The following EIF2AK3 variants were observed in gnomAD, a reference collection of about 807,000 sequenced individuals.
The protein encoded by EIF2AK3 is eukaryotic translation initiation factor 2 alpha kinase 3, also known as eukaryotic translation initiation factor 2-alpha kinase 3.
In EIF2AK3, 50 loss-of-function variants were observed where a neutral mutation model predicts 113.5. The ratio of observed to expected loss-of-function variants is 0.44; its 90% CI spans 0.35 to 0.56. The LOEUF (loss-of-function observed/expected upper bound fraction) is 0.56, where lower values mean the gene tolerates loss of function less well. Among genes scored for constraint, EIF2AK3 ranks in the 20% least tolerant of loss-of-function variants. The probability of loss-of-function intolerance (pLI) is 0.00; values close to 1 mark genes in which losing one functional copy is unlikely to be tolerated. For missense variants in EIF2AK3, 1,185 were observed against 1,378.0 expected (o/e 0.86, Z 2.22); for synonymous variants, 448 against 495.4 (o/e 0.90, Z 1.27).
chr2:88,574,472 T>A, intron 13 of EIF2AK3, 194 bp downstream of exon 13: 1 of 635,758 alleles, frequency 1.6e-6, no homozygotes, highest in Non-Finnish European at 2.7e-6. Context: ...GAATGCATGG[T>A]TTGCCTAAAG....
chr2:88,575,371 A>G lies in EIF2AK3; in HGVS notation c.2112T>C (p.Ala704=). The change falls in exon 13 of 17, where the codon GCT becomes GCC. Residue 704 remains alanine, a synonymous_variant. Transcript: ENST00000303236. ...SVKIRRMDPF[A]TKEHIEIIAP... ...CTATGATTTCAATATGTTCTTTTGT[A>G]GCGAAAGGATCCATTCTGCGTATTT... 6.2e-7 allele frequency: 1 copy of G among 1,614,072 alleles called. No homozygotes were observed. Among genetic ancestry groups the G allele is most frequent in the South Asian group, 1.1e-5 (1 of 91,090 alleles).
chr2:88,588,739 G>A (rs1553409650), intron 7 of EIF2AK3, 22 bp downstream of exon 7: 1 of 1,613,274 alleles, frequency 6.2e-7, no homozygotes, highest in Non-Finnish European at 8.5e-7. Flanking sequence ...ACAGTATTTA[G>A]AAAAGTTTAC....
intron 15 of EIF2AK3, 101 bp from the exon 16 acceptor site, chr2:88,559,080 T>A: frequency 1.3e-6 from 1 of 761,856 alleles, no homozygotes; most frequent in Non-Finnish European, 2.1e-6. Context: ...TGTACATCTA[T>A]CAAATGGAAA....
At chr2:88,563,106 AC>A (rs11330283) in intron 14 of EIF2AK3, among the ~76,000 whole-genome samples, 21,318 of 152,226 alleles carry the variant, frequency 0.14, 2,478 homozygotes, top group African/African-American at 0.32. Context: ...ACTCAGAAGA[AC>A]CCCTTTATTT....
At chr2:88,603,396 C>G (rs1335625989) in intron 2 of EIF2AK3, among the ~76,000 whole-genome samples, 6 of 152,218 alleles carry the variant, frequency 3.9e-5, no homozygotes, top group African/African-American at 1.2e-4. Context: ...CCACTGCTTT[C>G]CAAGTTCCCC....
chr2:88,570,761 A>G (rs1430690117), intron 14 of EIF2AK3, 113 bp downstream of exon 14: 2 of 1,391,468 alleles, frequency 1.4e-6, no homozygotes, highest in African/African-American at 2.8e-5. Context: ...CAGTTTTCAT[A>G]ATTTTCAGAC....
intron 11 of EIF2AK3, among the ~76,000 whole-genome samples, chr2:88,577,391 C>G (rs1368686044): frequency 6.6e-6 from 1 of 151,546 alleles, no homozygotes; most frequent in Non-Finnish European, 1.5e-5. Flanking sequence ...ACAAGCGCAT[C>G]TACTGCACGT....
Position 88,595,680 on chromosome 2 carries a change from C to CT in EIF2AK3, c.439-18dup, listed in dbSNP as rs774326336. 95 of 1,611,152 alleles carry CT rather than the reference C, an allele frequency of 5.9e-5. No homozygotes were observed. Among genetic ancestry groups the CT allele is most frequent in the Non-Finnish European group, 7.9e-5 (93 of 1,177,614 alleles). On this transcript the variant is annotated splice_polypyrimidine_tract_variant and intron_variant, in intron 2 of 16. Transcript: ENST00000303236. The stretch of plus-strand genomic sequence containing the variant: ...CCCAAATACCTAAAACAGAAGCTAA[C>CT]TTTTTAAAAGGGCCATAACATTAAT...
At chr2:88,574,378 T>G (rs1674394968) in intron 13 of EIF2AK3, 1 of 451,564 alleles carries the variant, frequency 2.2e-6, no homozygotes, top group East Asian at 4.1e-5. Context: ...ACCTAAAGAT[T>G]CTTTTTTCTT....
chr2:88,627,670 T>G, upstream of EIF2AK3: 4 of 182,290 alleles, frequency 2.2e-5, no homozygotes, highest in Non-Finnish European at 2.3e-5. Context: ...AGAAATGCCC[T>G]TCCCCGACGT....
At chr2:88,595,362 G>C in intron 3 of EIF2AK3, 107 bp downstream of exon 3, 1 of 1,145,210 alleles carries the variant, frequency 8.7e-7, no homozygotes, top group East Asian at 2.6e-5. Flanking sequence ...AACCTCAGGG[G>C]AAAATTACAA....
At chr2:88,600,051 A>G (rs544924491) in intron 2 of EIF2AK3, among the ~76,000 whole-genome samples, 1 of 152,370 alleles carries the variant, frequency 6.6e-6, no homozygotes, top group Non-Finnish European at 1.5e-5. Context: ...ACACAAAACA[A>G]CAACAAGGCA....
rs1232776381 is a variant in EIF2AK3 at position 88,627,241 on chromosome 2, G to C, written c.34C>G (p.Arg12Gly). ...AGCAGCAGCAGCAGCAGCAGCGCCCGTACCAGCAGCCCCGGGCTGATGGCG... is the reference window on the plus strand; with the variant it reads ...AGCAGCAGCAGCAGCAGCAGCGCCCCTACCAGCAGCCCCGGGCTGATGGCG... Reference protein sequence around the residue: ...ERAISPGLLVRALLLLLLLLG... With the variant: ...ERAISPGLLVGALLLLLLLLG... Residue 12 changes from arginine to glycine, a missense_variant, in exon 1 of 17, where the codon CGG (arginine) becomes GGG (glycine). Coordinates refer to ENST00000303236, the MANE Select transcript of EIF2AK3 (RefSeq NM_004836.7). The C allele has an allele frequency of 2.0e-6, 3 of 1,481,906 alleles. No homozygotes were observed. Among genetic ancestry groups the C allele is most frequent in the Admixed American group, 4.5e-5 (2 of 44,228 alleles). 91.8% of individuals were successfully genotyped at this position (1,481,906 alleles called of 1,614,324 possible).
At chr2:88,600,591 T>C (rs891348722) in intron 2 of EIF2AK3, among the ~76,000 whole-genome samples, 3 of 152,228 alleles carry the variant, frequency 2.0e-5, no homozygotes, top group Admixed American at 1.3e-4. Context: ...TCCCAGAGTC[T>C]ATCTGTGTAA....
chr2:88,602,109 T>G (rs990778078), intron 2 of EIF2AK3, among the ~76,000 whole-genome samples: 1 of 152,186 alleles, frequency 6.6e-6, no homozygotes, highest in Non-Finnish European at 1.5e-5. Flanking sequence ...CCTCAGCCTT[T>G]CAAAGTGCTG....
In EIF2AK3 at chr2:88,588,812, T is replaced by C; in HGVS notation, c.1255A>G (p.Asn419Asp). Residue 419 changes from asparagine (N) to aspartate (D), a missense_variant, in exon 7 of 17, where the codon AAT (asparagine) becomes GAT (aspartate). This residue lies in a region of EIF2AK3 where 877 missense variants were observed against 1,024.2 expected (regional missense o/e 0.86). Coordinates refer to ENST00000303236, the MANE Select transcript of EIF2AK3 (RefSeq NM_004836.7). ...SSPKALESVT[N>D]ENAIIPLPTI... is the part of the protein sequence containing the mutation. Reference sequence around the variant, plus strand: ...GGTAAAGGAATAATTGCGTTTTCATTAGTGACAGATTCCAAAGCCTTGGGA... The same window carrying C: ...GGTAAAGGAATAATTGCGTTTTCATCAGTGACAGATTCCAAAGCCTTGGGA... 6.2e-7 allele frequency: 1 copy of C among 1,613,822 alleles called. No individual in the cohort carries two copies. Among genetic ancestry groups the C allele is most frequent in the Non-Finnish European group, 8.5e-7 (1 of 1,179,846 alleles).
chr2:88,597,883 T>G (rs2104448850), intron 2 of EIF2AK3, among the ~76,000 whole-genome samples: 1 of 152,274 alleles, frequency 6.6e-6, no homozygotes, highest in African/African-American at 2.4e-5. Flanking sequence ...ATATTTATGT[T>G]TATACAGTGG....
chr2:88,593,779 A>G lies in EIF2AK3; in HGVS notation c.634-374T>C, dbSNP rs1482419035. 13 of 456,776 alleles carry G rather than the reference A, an allele frequency of 2.8e-5. No individual in the cohort carries two copies. In the Admixed American group the frequency reaches 2.9e-4, roughly 10 times the overall value. The allele number at this position is 456,776 out of a possible 1,614,324, so 28.3% of individuals were successfully genotyped here. On this transcript the variant is annotated intron_variant, in intron 3 of 16. Coordinates refer to ENST00000303236, the MANE Select transcript of EIF2AK3 (RefSeq NM_004836.7). ...TCAACCTTAGAGTTTCTGTATAACAAAAGTGTTTGGTTTTTAAAAATTTGA... is the reference window on the plus strand; with the variant it reads ...TCAACCTTAGAGTTTCTGTATAACAGAAGTGTTTGGTTTTTAAAAATTTGA...
In EIF2AK3 at chr2:88,618,309, T is replaced by C. The variant is rs552831238; in HGVS notation, c.309-4456A>G. ...TATTTTGAGGGTTCCAAGATCAAGA[T>C]GAAAAACTCTTAACTTATTCAAGAA... On this transcript the variant is annotated intron_variant, in intron 1 of 16. Transcript: ENST00000303236. Among the ~76,000 whole-genome samples the C allele has an allele frequency of 9.2e-5, 14 of 152,314 alleles. No individual in the cohort carries two copies. The South Asian group carries it at 2.5e-3, about 27-fold the overall frequency.
Sources: gnomAD v4.1 joint callset for allele counts (sites outside exome capture counted in the v4.1 genomes callset) on GRCh38, gnomAD v4.1.1 for gene constraint, gnomAD v4.1.1 regional missense constraint, MANE v1.5 for transcripts, NCBI Gene and HGNC (gene_info 2026-07-23, HGNC 2026-07-21) for gene names.